Variants in DPP6 observed in about 807,000 individuals in gnomAD.
DPP6 encodes dipeptidyl peptidase like 6.
DPP6 carries 69 observed loss-of-function variants against 122.6 expected under a neutral mutation model. The ratio of observed to expected loss-of-function variants is 0.56; its 90% CI spans 0.46 to 0.69. The LOEUF is 0.69. Among genes scored for constraint, DPP6 ranks in the 30% least tolerant of loss-of-function variants. DPP6 has a pLI of 0.00. For synonymous variants in DPP6, 418 were observed against 433.1 expected (o/e 0.97, Z 0.43); for missense variants, 928 against 1,116.9 (o/e 0.83, Z 2.41).
the DPP6 span, among the ~76,000 whole-genome samples, chr7:153,839,320 C>T: frequency 6.6e-6 from 1 of 152,182 alleles, no homozygotes; most frequent in African/African-American, 2.4e-5. Context: ...GATGTGACGC[C>T]AAGGCATTTC....
intron 7 of DPP6, among the ~76,000 whole-genome samples, chr7:154,678,629 C>A (rs568538824): frequency 1.3e-5 from 2 of 152,322 alleles, no homozygotes; most frequent in African/African-American, 4.8e-5. Flanking sequence ...CTGAAGTCAG[C>A]GAGACCAAGA....
chr7:154,773,649 A>C (rs889439566), intron 10 of DPP6, among the ~76,000 whole-genome samples: 1 of 152,182 alleles, frequency 6.6e-6, no homozygotes, highest in African/African-American at 2.4e-5. Context: ...GCCAGGACCC[A>C]CCCAAGTATA....
intron 13 of DPP6, among the ~76,000 whole-genome samples, chr7:154,801,665 G>A (rs573262614): frequency 6.6e-6 from 1 of 152,170 alleles, no homozygotes. Flanking sequence ...ATCTGGTCAC[G>A]TGCGAGAATG....
intron 1 of DPP6, among the ~76,000 whole-genome samples, chr7:154,426,659 G>A (rs1028002868): frequency 2.6e-5 from 4 of 152,076 alleles, no homozygotes; most frequent in Admixed American, 6.5e-5. Flanking sequence ...CTCCAGAGGG[G>A]CAAACCATCC....
intron 1 of DPP6, among the ~76,000 whole-genome samples, chr7:154,126,833 G>A (rs552309742): frequency 1.3e-5 from 2 of 152,248 alleles, no homozygotes; most frequent in South Asian, 2.1e-4. Context: ...TTTGCCTTCC[G>A]AATATACTCA....
chr7:154,318,179 G>T (rs370666672), intron 1 of DPP6, among the ~76,000 whole-genome samples: 1 of 152,166 alleles, frequency 6.6e-6, no homozygotes, highest in Non-Finnish European at 1.5e-5. Context: ...CTCACTTCTG[G>T]TCTCAAATCA....
intron 1 of DPP6, among the ~76,000 whole-genome samples, chr7:154,183,630 G>A (rs1484153363): frequency 3.9e-5 from 6 of 152,162 alleles, no homozygotes; most frequent in Non-Finnish European, 8.8e-5. Flanking sequence ...AGGCTTGCGT[G>A]GTTCCCACAC....
At chr7:154,658,611 A>G (rs1158263999) in intron 6 of DPP6, among the ~76,000 whole-genome samples, 1 of 152,152 alleles carries the variant, frequency 6.6e-6, no homozygotes, top group Non-Finnish European at 1.5e-5. Flanking sequence ...GCTGAGAGTG[A>G]GGCTGATGGA....
chr7:154,772,764 C>T (rs976382928), intron 9 of DPP6, 81 bp from the exon 10 acceptor site: 3 of 1,551,690 alleles, frequency 1.9e-6, no homozygotes, highest in African/African-American at 2.7e-5. Flanking sequence ...CTCGGAATCT[C>T]CCAGGAAAGG....
At chr7:153,763,041 G>T in the DPP6 span, among the ~76,000 whole-genome samples, 5 of 152,288 alleles carry the variant, frequency 3.3e-5, no homozygotes, top group South Asian at 1.0e-3. Flanking sequence ...GCAGCCCAGG[G>T]ATGACCACTG....
chr7:154,279,349 A>G (rs1804355390), intron 1 of DPP6, among the ~76,000 whole-genome samples: 1 of 152,204 alleles, frequency 6.6e-6, no homozygotes, highest in Non-Finnish European at 1.5e-5. Context: ...GTAGGGTTAA[A>G]AAATGATTAT....
the DPP6 span, among the ~76,000 whole-genome samples, chr7:153,769,733 C>T: frequency 1.3e-5 from 2 of 152,158 alleles, no homozygotes; most frequent in Admixed American, 6.5e-5. Context: ...GTGAGCTCCT[C>T]ACTTTTTTTT....
intron 1 of DPP6, among the ~76,000 whole-genome samples, chr7:154,376,194 G>A (rs1813116368): frequency 6.6e-6 from 1 of 152,240 alleles, no homozygotes; most frequent in African/African-American, 2.4e-5. Flanking sequence ...GGGAAGGGCT[G>A]CTGGGCTGAG....
At chr7:154,355,614 A>G (rs1346714513) in intron 1 of DPP6, among the ~76,000 whole-genome samples, 1 of 152,184 alleles carries the variant, frequency 6.6e-6, no homozygotes, top group Non-Finnish European at 1.5e-5. Context: ...CATACAGTGA[A>G]GACACCATGC....
intron 1 of DPP6, among the ~76,000 whole-genome samples, chr7:154,090,392 A>C (rs10227437): frequency 0.011 from 1,631 of 152,300 alleles, 18 homozygotes; most frequent in African/African-American, 0.038. Flanking sequence ...TCCGGTTGCT[A>C]ATTGGCTTGA....
chr7:154,541,649 G>C (rs115425440), intron 4 of DPP6, among the ~76,000 whole-genome samples: 1,760 of 152,288 alleles, frequency 0.012, 39 homozygotes, highest in African/African-American at 0.04. Context: ...TCAAAGGACA[G>C]AACTAAGGTT....
intron 1 of DPP6, among the ~76,000 whole-genome samples, chr7:154,209,135 G>A (rs1223591099): frequency 1.3e-5 from 2 of 152,126 alleles, no homozygotes; most frequent in Non-Finnish European, 1.5e-5. Flanking sequence ...CTTGATTCAC[G>A]TAACAAAAAT....
intron 3 of DPP6, among the ~76,000 whole-genome samples, chr7:154,536,018 T>C (rs761835631): frequency 6.6e-6 from 1 of 152,208 alleles, no homozygotes; most frequent in Non-Finnish European, 1.5e-5. Flanking sequence ...ATATAATAGC[T>C]ACAACCTGGC....
chr7:154,868,037 T>A lies in DPP6; in HGVS notation c.1757T>A (p.Ile586Lys), dbSNP rs1182289259. The change falls in exon 18 of 26, where the codon ATA becomes AAA. Residue 586 changes from isoleucine to lysine, a missense_variant. Coordinates refer to ENST00000377770, the MANE Select transcript of DPP6 (RefSeq NM_130797.4). ...LETNEHVKKA[I>K]NDRQMPKVEY... ...ACAAATGAACATGTCAAGAAGGCCA[T>A]AAATGACCGACAGATGCCTAAAGTG... 1.9e-6 allele frequency: 3 copies of A among 1,609,060 alleles called. No individual in the cohort carries two copies. The South Asian group carries it at 3.4e-5, about 18-fold the overall frequency.
Sources: allele counts gnomAD v4.1 joint callset (sites outside exome capture counted in the v4.1 genomes callset), GRCh38; gene constraint gnomAD v4.1.1; transcripts MANE v1.5; gene names NCBI Gene and HGNC (gene_info 2026-07-23, HGNC 2026-07-21).